The following RANGAP1 variants were observed in gnomAD, a reference collection of about 807,000 sequenced individuals.
RANGAP1 encodes the protein Ran GTPase activating protein 1.
RANGAP1 carries 38 observed loss-of-function variants against 63.5 expected under a neutral mutation model. The ratio of observed to expected loss-of-function variants is 0.60; its 90% CI spans 0.46 to 0.78. The LOEUF (loss-of-function observed/expected upper bound fraction) is 0.78. RANGAP1 is among the 30% of genes least tolerant of loss of function. RANGAP1 has a pLI of 0.00. For synonymous variants in RANGAP1, 329 were observed against 310.5 expected, an observed-to-expected ratio of 1.06 and a Z score of -0.63; for missense variants, 630 against 740.3, an observed-to-expected ratio of 0.85 and a Z score of 1.73.
At chr22:41,283,224 T>C (rs1357905514) in intron 1 of RANGAP1, among the ~76,000 whole-genome samples, 1 of 125,828 alleles carries the variant, frequency 7.9e-6, no homozygotes, top group Non-Finnish European at 1.7e-5. Flanking sequence ...AGGGGGGGGT[T>C]GGGGGGCCGG....
At chr22:41,271,041 T>C (rs1197862028) in intron 3 of RANGAP1, among the ~76,000 whole-genome samples, 1 of 151,978 alleles carries the variant, frequency 6.6e-6, no homozygotes, top group Non-Finnish European at 1.5e-5. Context: ...GTATCCTATC[T>C]CTGAAATGAG....
chr22:41,292,436 C>G, the RANGAP1 span, among the ~76,000 whole-genome samples: 2 of 151,918 alleles, frequency 1.3e-5, no homozygotes, highest in Non-Finnish European at 2.9e-5. Context: ...AGGCGTGAGT[C>G]ACTGCACCTG....
At chr22:41,283,506 TCAAAA>T (rs1211338820) in intron 1 of RANGAP1, among the ~76,000 whole-genome samples, 2 of 151,450 alleles carry the variant, frequency 1.3e-5, no homozygotes, top group African/African-American at 4.9e-5. Context: ...AGACTCCAAC[TCAAAA>T]CAAACAAATA....
At chr22:41,293,316 G>C in the RANGAP1 span, among the ~76,000 whole-genome samples, 2 of 151,992 alleles carry the variant, frequency 1.3e-5, no homozygotes, top group African/African-American at 2.4e-5. Flanking sequence ...GGAGACTGAC[G>C]GGGTAGGATT....
intron 4 of RANGAP1, among the ~76,000 whole-genome samples, chr22:41,266,429 A>AAAGCTCAGGG (rs2034480213): frequency 1.3e-5 from 2 of 152,254 alleles, no homozygotes; most frequent in South Asian, 4.1e-4. Context: ...ATACCTTCTG[A>AAAGCTCAGGG]AAGCTCAGGG....
chr22:41,301,562 A>G, the RANGAP1 span: 1 of 152,182 alleles, frequency 6.6e-6, no homozygotes, highest in African/African-American at 2.4e-5. Flanking sequence ...GCGAGCGGCC[A>G]GCCGAGGGGC....
the RANGAP1 span, among the ~76,000 whole-genome samples, chr22:41,291,358 G>A: frequency 6.6e-6 from 1 of 152,114 alleles, no homozygotes; most frequent in Non-Finnish European, 1.5e-5. Flanking sequence ...AGCACTTTGG[G>A]AGGCCGAGGT....
At chr22:41,259,845 T>C (rs998171263) in intron 6 of RANGAP1, among the ~76,000 whole-genome samples, 1 of 152,112 alleles carries the variant, frequency 6.6e-6, no homozygotes, top group African/African-American at 2.4e-5. Flanking sequence ...TCTACTAAAA[T>C]ACAAAAATTA....
At chr22:41,293,687 G>C in the RANGAP1 span, among the ~76,000 whole-genome samples, 1 of 147,984 alleles carries the variant, frequency 6.8e-6, no homozygotes, top group African/African-American at 2.5e-5. Context: ...GCTGAGGCAG[G>C]AGAATGGCGA....
chr22:41,264,353 G>GCT (rs1305956492), intron 5 of RANGAP1, among the ~76,000 whole-genome samples: 2 of 152,216 alleles, frequency 1.3e-5, no homozygotes, highest in Non-Finnish European at 2.9e-5. Context: ...TCTACCAGCT[G>GCT]CTCTGCGGGT....
At chr22:41,261,368 T>C in intron 6 of RANGAP1, 78 bp downstream of exon 6, 1 of 1,587,536 alleles carries the variant, frequency 6.3e-7, no homozygotes, top group Non-Finnish European at 8.6e-7. Context: ...AGCCCTGGGA[T>C]TAGCATCCAG....
intron 2 of RANGAP1, among the ~76,000 whole-genome samples, chr22:41,276,581 G>C (rs897525240): frequency 2.6e-5 from 4 of 152,166 alleles, no homozygotes; most frequent in Admixed American, 2.6e-4. Context: ...AGAGGTTGCA[G>C]TGAGCCGAGA....
intron 6 of RANGAP1, 137 bp downstream of exon 6, chr22:41,261,309 A>G: frequency 7.5e-7 from 1 of 1,336,740 alleles, no homozygotes; most frequent in South Asian, 1.4e-5. Flanking sequence ...GGATGGGTTA[A>G]CAGGCTTGGA....
At chr22:41,284,110 G>A (rs2145861220) in intron 1 of RANGAP1, among the ~76,000 whole-genome samples, 1 of 152,204 alleles carries the variant, frequency 6.6e-6, no homozygotes, top group South Asian at 2.1e-4. Context: ...AGCCGGGCCT[G>A]GTGGCGGGGG....
At chr22:41,262,670 C>T (rs780542153) in intron 5 of RANGAP1, among the ~76,000 whole-genome samples, 3 of 150,500 alleles carry the variant, frequency 2.0e-5, no homozygotes, top group South Asian at 2.1e-4. Flanking sequence ...CACACGATCA[C>T]GCACACACTC....
chr22:41,299,164 G>A, the RANGAP1 span, among the ~76,000 whole-genome samples: 1 of 150,986 alleles, frequency 6.6e-6, no homozygotes, highest in Non-Finnish European at 1.5e-5. Context: ...ATGGAGTCTC[G>A]CTCTGTCGCC....
At chr22:41,246,913 G>A (rs1457032863) in intron 15 of RANGAP1, among the ~76,000 whole-genome samples, 2 of 152,206 alleles carry the variant, frequency 1.3e-5, no homozygotes, top group African/African-American at 4.8e-5. Context: ...CCTCAGCCAG[G>A]CTCTCCAAGG....
chr22:41,287,985 C>CTAAA (rs910820056), upstream of RANGAP1, among the ~76,000 whole-genome samples: 19 of 152,240 alleles, frequency 1.2e-4, no homozygotes, highest in Non-Finnish European at 2.4e-4. Flanking sequence ...AACTCCGTCT[C>CTAAA]TAAATAAATA....
chr22:41,269,477 G>A (rs760354887), intron 3 of RANGAP1, among the ~76,000 whole-genome samples: 10 of 152,134 alleles, frequency 6.6e-5, no homozygotes, highest in Non-Finnish European at 1.2e-4. Context: ...GCTCACACCT[G>A]TAATCCCAGC....
Sources: allele counts gnomAD v4.1 joint callset (sites outside exome capture counted in the v4.1 genomes callset), GRCh38; gene constraint gnomAD v4.1.1; transcripts MANE v1.5; gene names NCBI Gene and HGNC (gene_info 2026-07-23, HGNC 2026-07-21).